The following TRHDE variants were observed in gnomAD, a reference collection of about 807,000 sequenced individuals.
TRHDE encodes the protein thyrotropin releasing hormone degrading enzyme.
A neutral mutation model predicts 125.7 loss-of-function variants in TRHDE; 72 were observed. That is an observed-to-expected ratio of 0.57 (90% CI 0.47 to 0.70). The LOEUF is 0.70. Among genes scored for constraint, TRHDE ranks in the 30% least tolerant of loss-of-function variants. The pLI is 0.00. For synonymous variants in TRHDE, 509 were observed against 509.1 expected (o/e 1.00, Z 0.00); for missense variants, 1,110 against 1,327.1 (o/e 0.84, Z 2.54).
intron 2 of TRHDE, among the ~76,000 whole-genome samples, chr12:72,259,937 G>A (rs1203812662): frequency 1.3e-5 from 2 of 152,216 alleles, no homozygotes; most frequent in African/African-American, 4.8e-5. Flanking sequence ...TGTAAATGTA[G>A]TGAATTGGTA....
chr12:72,473,157 T>C lies in TRHDE; in HGVS notation c.1561T>C (p.Tyr521His), dbSNP rs560508792. 12 of 1,613,886 alleles carry C rather than the reference T, an allele frequency of 7.4e-6. No homozygotes were observed. The South Asian group carries it at 1.2e-4, about 16-fold the overall frequency. The change falls in exon 5 of 19, where the codon TAC (tyrosine) becomes CAC (histidine). Residue 521 changes from tyrosine to histidine, a missense_variant. This residue lies in a region of TRHDE where 527 missense variants were observed against 651.8 expected (regional missense o/e 0.81). Transcript: ENST00000261180. ...AHYFEFVGTD[Y>H]LYPGWNMEKQ... is the part of the protein sequence containing the mutation. ...CTACTTTGAATTTGTTGGTACAGACTACCTCTATCCTGGCTGGAACATGGT... is the reference window on the plus strand; with the variant it reads ...CTACTTTGAATTTGTTGGTACAGACCACCTCTATCCTGGCTGGAACATGGT...
intron 15 of TRHDE, among the ~76,000 whole-genome samples, chr12:72,635,883 C>G (rs1873721731): frequency 6.6e-6 from 1 of 152,182 alleles, no homozygotes; most frequent in Non-Finnish European, 1.5e-5. Flanking sequence ...GGTACCAGTA[C>G]CATGCTCTTT....
At chr12:72,144,229 C>T (rs1423715085) in intron 2 of TRHDE, among the ~76,000 whole-genome samples, 1 of 152,182 alleles carries the variant, frequency 6.6e-6, no homozygotes, top group Non-Finnish European at 1.5e-5. Flanking sequence ...CACGGTAGGA[C>T]TCACAGTGGG....
chr12:72,477,076 T>A (rs1024144787), intron 5 of TRHDE, among the ~76,000 whole-genome samples: 2 of 152,172 alleles, frequency 1.3e-5, no homozygotes, highest in Non-Finnish European at 2.9e-5. Flanking sequence ...CCTTTCTAAC[T>A]CATCCTTATC....
At chr12:72,139,495 A>G (rs144724666) in intron 2 of TRHDE, among the ~76,000 whole-genome samples, 71 of 152,324 alleles carry the variant, frequency 4.7e-4, no homozygotes, top group Non-Finnish European at 9.0e-4. Flanking sequence ...GTTGGGGATT[A>G]TTGAATCCTC....
At chr12:72,481,485 C>G (rs1005680030) in intron 5 of TRHDE, among the ~76,000 whole-genome samples, 4 of 151,162 alleles carry the variant, frequency 2.6e-5, no homozygotes, top group African/African-American at 7.3e-5. Context: ...CCTCTCAACA[C>G]TTTACATATA....
intron 10 of TRHDE, among the ~76,000 whole-genome samples, chr12:72,574,218 A>G (rs750200675): frequency 6.6e-6 from 1 of 152,038 alleles, no homozygotes; most frequent in Non-Finnish European, 1.5e-5. Flanking sequence ...TGAAGTCTGA[A>G]TGTGTAAAAA....
At chr12:72,655,491 C>G (rs996897089) in intron 17 of TRHDE, among the ~76,000 whole-genome samples, 1 of 152,080 alleles carries the variant, frequency 6.6e-6, no homozygotes. Flanking sequence ...TCCTGTTGCT[C>G]AGAACTACTC....
intron 2 of TRHDE, among the ~76,000 whole-genome samples, chr12:72,154,256 T>C (rs2139323567): frequency 6.6e-6 from 1 of 152,338 alleles, no homozygotes; most frequent in South Asian, 2.1e-4. Flanking sequence ...TTGGTAGATC[T>C]TCCTCCATCC....
intron 7 of TRHDE, among the ~76,000 whole-genome samples, chr12:72,557,218 G>T (rs973409770): frequency 6.6e-6 from 1 of 152,138 alleles, no homozygotes; most frequent in Non-Finnish European, 1.5e-5. Context: ...CTTAAAGGAG[G>T]TTCTCAGGAA....
chr12:72,101,769 T>G (rs1875073905), intron 1 of TRHDE, among the ~76,000 whole-genome samples: 1 of 152,208 alleles, frequency 6.6e-6, no homozygotes, highest in Admixed American at 6.5e-5. Context: ...GCTATTATCT[T>G]TATGTTTATT....
intron 2 of TRHDE, among the ~76,000 whole-genome samples, chr12:72,212,413 T>C (rs191833966): frequency 4.6e-5 from 7 of 151,912 alleles, no homozygotes; most frequent in African/African-American, 1.7e-4. Flanking sequence ...AATAATAACA[T>C]CAGGAAGTTA....
intron 2 of TRHDE, among the ~76,000 whole-genome samples, chr12:72,170,923 A>G (rs1876859096): frequency 6.6e-6 from 1 of 152,192 alleles, no homozygotes; most frequent in Non-Finnish European, 1.5e-5. Context: ...GTTATAATAG[A>G]TATCCAGGAA....
intron 3 of TRHDE, among the ~76,000 whole-genome samples, chr12:72,423,638 T>G (rs1188512463): frequency 6.6e-6 from 1 of 152,150 alleles, no homozygotes; most frequent in East Asian, 1.9e-4. Context: ...TGGGAAACTA[T>G]GGGTATGTTA....
chr12:72,604,733 G>A (rs147611958), intron 12 of TRHDE, among the ~76,000 whole-genome samples: 10 of 151,924 alleles, frequency 6.6e-5, no homozygotes, highest in African/African-American at 2.2e-4. Context: ...CTGTTATTTT[G>A]TATTTTCATT....
chr12:72,598,086 CA>C (rs895288020), intron 12 of TRHDE, among the ~76,000 whole-genome samples: 6 of 150,398 alleles, frequency 4.0e-5, no homozygotes, highest in African/African-American at 1.5e-4. Flanking sequence ...TAAAAAGTGG[CA>C]AAAAAAGAAA....
At chr12:72,518,649 A>C (rs1349466192) in intron 6 of TRHDE, among the ~76,000 whole-genome samples, 2 of 151,960 alleles carry the variant, frequency 1.3e-5, no homozygotes, top group Non-Finnish European at 2.9e-5. Flanking sequence ...ATTTACATTT[A>C]AAGTTAATAT....
chr12:72,186,895 G>A (rs773115273), intron 2 of TRHDE, among the ~76,000 whole-genome samples: 3 of 151,964 alleles, frequency 2.0e-5, no homozygotes, highest in Non-Finnish European at 4.4e-5. Flanking sequence ...CTGGCTGATA[G>A]GAAGTAGGAT....
rs1204002842 is a variant in TRHDE, at chr12:72,622,605, G to A, written c.2675+854G>A. ...TATGTGCAACAGCGGGGTTGTTCCTGATATGCATGTGAGGGATGATCCCAT... is the reference window on the plus strand; with the variant it reads ...TATGTGCAACAGCGGGGTTGTTCCTAATATGCATGTGAGGGATGATCCCAT... On this transcript the variant is annotated intron_variant, in intron 15 of 18. Coordinates refer to ENST00000261180, the MANE Select transcript of TRHDE (RefSeq NM_013381.3). Among the ~76,000 whole-genome samples, 3 of 152,114 alleles carry A rather than the reference G, an allele frequency of 2.0e-5. No homozygotes were observed. The East Asian group carries it at 5.8e-4, about 29-fold the overall frequency.
Sources: allele counts gnomAD v4.1 joint callset (sites outside exome capture counted in the v4.1 genomes callset), GRCh38; gene constraint gnomAD v4.1.1; regional missense constraint gnomAD v4.1.1; transcripts MANE v1.5; gene names NCBI Gene and HGNC (gene_info 2026-07-23, HGNC 2026-07-21).